The following LDB2 variants were observed in gnomAD, a reference collection of about 807,000 sequenced individuals.
The protein encoded by LDB2 is LIM domain-binding protein 2.
Under a neutral mutation model 44.3 loss-of-function variants are expected in LDB2, and 12 were observed. That is an observed-to-expected ratio of 0.27 (90% confidence interval 0.17 to 0.44). LDB2 has a LOEUF of 0.44. LDB2 is among the 20% of genes least tolerant of loss of function. The pLI is 1.00. For missense variants in LDB2, 344 were observed against 473.5 expected (o/e 0.73, Z 2.54); for synonymous variants, 164 against 174.8 (o/e 0.94, Z 0.49).
At chr4:16,845,132 G>T (rs1477365122) in intron 1 of LDB2, among the ~76,000 whole-genome samples, 2 of 152,184 alleles carry the variant, frequency 1.3e-5, no homozygotes, top group African/African-American at 4.8e-5. Flanking sequence ...CTAGCAGGTG[G>T]AGGCTGCACA....
At chr4:16,722,749 T>C (rs951940565) in intron 2 of LDB2, among the ~76,000 whole-genome samples, 1 of 152,132 alleles carries the variant, frequency 6.6e-6, no homozygotes, top group Admixed American at 6.6e-5. Context: ...TGTAACATGA[T>C]AGGTAATCAA....
chr4:16,581,526 T>C lies in LDB2; in HGVS notation c.615+4396A>G, dbSNP rs992250351. 7.7e-6 allele frequency: 5 copies of C among 652,136 alleles called. No individual in the cohort carries two copies. In the Admixed American group the frequency reaches 1.9e-4, roughly 25 times the overall value. The allele number at this position is 652,136 out of a possible 1,614,324, so 40.4% of individuals were successfully genotyped here. A position where few individuals can be genotyped will look rare whatever the true frequency, so the allele number is the denominator to read the frequency against. On this transcript the variant is annotated intron_variant, in intron 5 of 7. Coordinates refer to ENST00000304523, the MANE Select transcript of LDB2 (RefSeq NM_001290.5). ...GTACCTAAAACAAACTTGAAACTTA[T>C]ATTTTAACTATGTGAAACTTCCTAG...
At chr4:16,849,923 ATTT>A (rs1787845328) in intron 1 of LDB2, among the ~76,000 whole-genome samples, 1 of 152,174 alleles carries the variant, frequency 6.6e-6, no homozygotes, top group African/African-American at 2.4e-5. Context: ...CTGGTGAGTG[ATTT>A]AAAAACAAAA....
At chr4:16,859,948 T>C (rs1429304018) in intron 1 of LDB2, among the ~76,000 whole-genome samples, 2 of 152,326 alleles carry the variant, frequency 1.3e-5, no homozygotes, top group African/African-American at 2.4e-5. Flanking sequence ...TAGAGACAAG[T>C]ACTATTATTA....
rs567559652 is a variant in LDB2, at chr4:16,666,282, C to A, written c.236-70407G>T. ...TTCCTTTCTCTGGCTCACACGGGAG[C>A]AATAATCAAGAGTTGAAGCCTCGCC... On this transcript the variant is annotated intron_variant, in intron 2 of 7. Coordinates refer to ENST00000304523, the MANE Select transcript of LDB2 (RefSeq NM_001290.5). Among the ~76,000 whole-genome samples, 375 of 152,200 alleles carry A rather than the reference C, an allele frequency of 2.5e-3. 1 individual carries two copies. The highest frequency in any genetic ancestry group is 4.1e-3 in the Non-Finnish European group (278 of 68,002).
chr4:16,774,479 C>T (rs1252095923), intron 1 of LDB2, among the ~76,000 whole-genome samples: 2 of 152,128 alleles, frequency 1.3e-5, no homozygotes, highest in Non-Finnish European at 2.9e-5. Context: ...GATGGAGTCA[C>T]CATCTTCTTT....
intron 1 of LDB2, among the ~76,000 whole-genome samples, chr4:16,875,370 A>T (rs1718054557): frequency 1.3e-5 from 2 of 152,222 alleles, no homozygotes; most frequent in South Asian, 4.1e-4. Flanking sequence ...ATGCTACTGG[A>T]TAAAAAGCAG....
At chr4:16,805,836 G>A (rs1476889352) in intron 1 of LDB2, among the ~76,000 whole-genome samples, 1 of 152,214 alleles carries the variant, frequency 6.6e-6, no homozygotes, top group Non-Finnish European at 1.5e-5. Context: ...GCCATGGGGA[G>A]AAATTATCCT....
chr4:16,832,035 T>A (rs1051314120), intron 1 of LDB2, among the ~76,000 whole-genome samples: 1 of 152,234 alleles, frequency 6.6e-6, no homozygotes, highest in Non-Finnish European at 1.5e-5. Flanking sequence ...TCTGAATTCG[T>A]AACAAAACTT....
intron 5 of LDB2, among the ~76,000 whole-genome samples, chr4:16,559,621 A>G (rs1741262617): frequency 6.6e-6 from 1 of 152,268 alleles, no homozygotes. Context: ...ATAATGGGAG[A>G]CTTTAACACC....
At chr4:16,767,881 C>T (rs1769712193) in intron 1 of LDB2, among the ~76,000 whole-genome samples, 1 of 152,200 alleles carries the variant, frequency 6.6e-6, no homozygotes. Context: ...GGATGAGACA[C>T]ACAGTCATGT....
chr4:16,890,216 A>G (rs1272288591), intron 1 of LDB2, among the ~76,000 whole-genome samples: 2 of 152,228 alleles, frequency 1.3e-5, no homozygotes, highest in Non-Finnish European at 2.9e-5. Context: ...GAAGAGATCA[A>G]TAGATTCTTA....
At chr4:16,685,416 G>A (rs968055626) in intron 2 of LDB2, among the ~76,000 whole-genome samples, 2 of 151,120 alleles carry the variant, frequency 1.3e-5, no homozygotes, top group African/African-American at 2.4e-5. Flanking sequence ...GTTTTGTTTT[G>A]TTTTGTTTTT....
intron 5 of LDB2, among the ~76,000 whole-genome samples, chr4:16,558,864 G>C (rs905995116): frequency 3.3e-5 from 5 of 152,146 alleles, no homozygotes; most frequent in Middle Eastern, 3.4e-3. Context: ...CAGATCTCTC[G>C]GCAGAAACTC....
At chr4:16,547,573 G>A (rs1199482549) in intron 5 of LDB2, among the ~76,000 whole-genome samples, 2 of 152,100 alleles carry the variant, frequency 1.3e-5, no homozygotes, top group Non-Finnish European at 2.9e-5. Flanking sequence ...CACACATCCA[G>A]CCTAGGGCTC....
At chr4:16,850,560 T>C (rs1038120466) in intron 1 of LDB2, among the ~76,000 whole-genome samples, 2 of 152,106 alleles carry the variant, frequency 1.3e-5, no homozygotes, top group African/African-American at 4.8e-5. Flanking sequence ...TTGTAGAAAT[T>C]TGAACAGTCT....
At chr4:16,769,346 G>A (rs898820753) in intron 1 of LDB2, among the ~76,000 whole-genome samples, 1 of 151,392 alleles carries the variant, frequency 6.6e-6, no homozygotes, top group Non-Finnish European at 1.5e-5. Context: ...GCCCAGGCTG[G>A]AGTGCAGTAG....
chr4:16,586,550 CATATAT>C (rs796273220), intron 4 of LDB2, among the ~76,000 whole-genome samples: 1 of 136,872 alleles, frequency 7.3e-6, no homozygotes. Context: ...CACACACACA[CATATAT>C]ATGGAGAGAC....
intron 5 of LDB2, among the ~76,000 whole-genome samples, chr4:16,543,734 C>T (rs1270406437): frequency 6.6e-6 from 1 of 152,152 alleles, no homozygotes; most frequent in Non-Finnish European, 1.5e-5. Flanking sequence ...ACACCAAAAG[C>T]AATGGCAACA....
Sources: allele counts gnomAD v4.1 joint callset (sites outside exome capture counted in the v4.1 genomes callset), GRCh38; gene constraint gnomAD v4.1.1; transcripts MANE v1.5; gene names NCBI Gene and HGNC (gene_info 2026-07-23, HGNC 2026-07-21).